The following LRTM2 variants were observed in gnomAD, a reference collection of about 807,000 sequenced individuals.
LRTM2 encodes the protein leucine rich repeat transmembrane protein 2, also known as leucine-rich repeat and transmembrane domain-containing protein 2.
A neutral mutation model predicts 28.1 loss-of-function variants in LRTM2; 18 were observed. That is an observed-to-expected ratio of 0.64 (90% confidence interval 0.44 to 0.95). LRTM2 has a LOEUF of 0.95. Among genes scored for constraint, LRTM2 ranks in the 40% least tolerant of loss-of-function variants. The pLI, the probability that LRTM2 is intolerant of heterozygous loss-of-function variation, is 0.00. For synonymous variants in LRTM2, 250 were observed against 218.7 expected (o/e 1.14, Z -1.26); for missense variants, 436 against 497.2 (o/e 0.88, Z 1.17).
chr12:1,830,055 C>G (rs897274045), intron 3 of LRTM2, among the ~76,000 whole-genome samples: 1 of 152,190 alleles, frequency 6.6e-6, no homozygotes, highest in Non-Finnish European at 1.5e-5. Flanking sequence ...GGGTCTTGGG[C>G]AAAAGATGGG....
At position 1,820,568 on chromosome 12, in the gene LRTM2, CCT is replaced by C. The variant is rs911998575; in HGVS notation, c.-500_-499del. The C allele has an allele frequency of 6.6e-6, 1 of 152,454 alleles. No individual in the cohort carries two copies. The highest frequency in any genetic ancestry group is 1.9e-4 in the East Asian group (1 of 5,190). The allele number at this position is 152,454 out of a possible 1,614,324, so 9.4% of individuals were successfully genotyped here. A position where few individuals can be genotyped will look rare whatever the true frequency, so the allele number is the denominator to read the frequency against. On this transcript the variant is annotated 5_prime_UTR_variant, in exon 1 of 5. Transcript: ENST00000299194. This position sits in a 1 kb window ranked among gnomAD's most constrained non-coding sequence, Gnocchi z 6.0. The stretch of plus-strand genomic sequence containing the variant: ...TCTCCTCTCTCTCTCTCCCTCCATC[CCT>C]CTCTTTCCTTCTCAGTTTGTGACTG...
rs994213781 is a variant in LRTM2 at position 1,833,074 on chromosome 12, A to G, written c.659-1193A>G. Among the ~76,000 whole-genome samples the G allele has an allele frequency of 1.3e-5, 2 of 152,148 alleles. No homozygotes were observed. The highest frequency in any genetic ancestry group is 2.4e-5 in the African/African-American group (1 of 41,434). On this transcript the variant is annotated intron_variant, in intron 4 of 4. Coordinates refer to ENST00000299194, the MANE Select transcript of LRTM2 (RefSeq NM_001039029.3). This position sits in a 1 kb window ranked among gnomAD's most constrained non-coding sequence, Gnocchi z 4.2. ...CTCTCCTGTGGTCGCCGGGAACTGA[A>G]TTCCCAGCACAAAAATGCATGCCAT...
At chr12:1,831,966 C>T (rs1190391739) in intron 4 of LRTM2, among the ~76,000 whole-genome samples, 4 of 152,196 alleles carry the variant, frequency 2.6e-5, no homozygotes, top group African/African-American at 9.7e-5. Context: ...TCTTAAACAT[C>T]TCCCCTTACA....
At position 1,834,423 on chromosome 12, in the gene LRTM2, C is replaced by T; in HGVS notation, c.815C>T (p.Ala272Val). ...ATTCCTGGGCCACCCTGCACCAAGG[C>T]CAGTCCAGAGCCTGCTAAGCCCAAG... Reference protein sequence around the residue: ...LDIPGPPCTKASPEPAKPKPG... With the variant: ...LDIPGPPCTKVSPEPAKPKPG... The change falls in exon 5 of 5, where the codon GCC becomes GTC. Residue 272 changes from alanine to valine, a missense_variant. Physicochemically the swap from Ala to Val is moderately conservative, Grantham distance 64 (BLOSUM62 0). Coordinates refer to ENST00000299194, the MANE Select transcript of LRTM2 (RefSeq NM_001039029.3). The surrounding 1 kb of genome is among the most constrained non-coding windows in gnomAD (Gnocchi z 7.6). 6.2e-7 allele frequency: 1 copy of T among 1,612,950 alleles called. No individual in the cohort carries two copies. The highest frequency in any genetic ancestry group is 8.5e-7 in the Non-Finnish European group (1 of 1,180,014).
chr12:1,823,224 AG>A (rs369397270), intron 1 of LRTM2: 1 of 152,474 alleles, frequency 6.6e-6, no homozygotes, highest in Non-Finnish European at 1.5e-5. Flanking sequence ...CTTGATGTGG[AG>A]GGATAGACAT....
chr12:1,828,275 G>A lies in LRTM2; in HGVS notation c.67+60G>A. On this transcript the variant is annotated intron_variant, in intron 3 of 4. Coordinates refer to ENST00000299194, the MANE Select transcript of LRTM2 (RefSeq NM_001039029.3). The surrounding 1 kb of genome is among the most constrained non-coding windows in gnomAD (Gnocchi z 4.2). ...GTTGGGTGGGGGTGCCGAGGTGACT[G>A]TAGGTAGCGCCATATGGGACCTTAG... 3.5e-6 allele frequency: 5 copies of A among 1,426,496 alleles called. No individual in the cohort carries two copies. Among genetic ancestry groups the A allele is most frequent in the South Asian group, 1.3e-5 (1 of 74,644 alleles). 88.4% of individuals were successfully genotyped at this position (1,426,496 alleles called of 1,614,324 possible). A position where few individuals can be genotyped will look rare whatever the true frequency, so the allele number is the denominator to read the frequency against.
chr12:1,830,730 CTG>C (rs1457842948), intron 3 of LRTM2, among the ~76,000 whole-genome samples: 2 of 152,182 alleles, frequency 1.3e-5, no homozygotes, highest in African/African-American at 4.8e-5. Context: ...CCTGCAGACA[CTG>C]TGTGATGTCC....
Position 1,831,158 on chromosome 12 carries a change from G to A in LRTM2, c.291G>A (p.Leu97=). 6.2e-7 allele frequency: 1 copy of A among 1,613,982 alleles called. No individual in the cohort carries two copies. Among genetic ancestry groups the A allele is most frequent in the Non-Finnish European group, 8.5e-7 (1 of 1,180,042 alleles). ...AFANLSSLQR[L]DLSNNFLDRL... ...CCAACCTCTCCAGCCTGCAGCGGTT[G>A]GACCTGTCCAACAACTTCCTGGACC... is the stretch of plus-strand genomic sequence containing the variant. The change falls in exon 4 of 5, where the codon TTG becomes TTA. Residue 97 remains leucine, a synonymous_variant. Coordinates refer to ENST00000299194, the MANE Select transcript of LRTM2 (RefSeq NM_001039029.3).
chr12:1,822,771 C>G (rs2041137), intron 1 of LRTM2, among the ~76,000 whole-genome samples: 129,232 of 152,246 alleles, frequency 0.85, 54,990 homozygotes, highest in Non-Finnish European at 0.86. Flanking sequence ...TGATGGGCAG[C>G]TGTCCTAGAG....
chr12:1,829,883 G>C lies in LRTM2; in HGVS notation c.68-1052G>C, dbSNP rs61909414. Among the ~76,000 whole-genome samples the C allele has an allele frequency of 1.3e-5, 2 of 152,094 alleles. No individual in the cohort carries two copies. The highest frequency in any genetic ancestry group is 1.3e-4 in the Admixed American group (2 of 15,274). The stretch of plus-strand genomic sequence containing the variant: ...TGAATTCTTCCCAGTTCTCTTTCAC[G>C]ATGAGCAGGCTTCTCTGCTACTCAG... On this transcript the variant is annotated intron_variant, in intron 3 of 4. Coordinates refer to ENST00000299194, the MANE Select transcript of LRTM2 (RefSeq NM_001039029.3). This position sits in a 1 kb window ranked among gnomAD's most constrained non-coding sequence, Gnocchi z 4.2.
chr12:1,828,284 G>A lies in LRTM2; in HGVS notation c.67+69G>A, dbSNP rs186465399. 663 of 1,344,754 alleles carry A rather than the reference G, an allele frequency of 4.9e-4. 1 individual carries two copies. The highest frequency in any genetic ancestry group is 5.5e-4 in the Non-Finnish European group (542 of 987,494). 83.3% of individuals were successfully genotyped at this position (1,344,754 alleles called of 1,614,324 possible). ...GGGTGCCGAGGTGACTGTAGGTAGC[G>A]CCATATGGGACCTTAGCCACACTCA... On this transcript the variant is annotated intron_variant, in intron 3 of 4. Coordinates refer to ENST00000299194, the MANE Select transcript of LRTM2 (RefSeq NM_001039029.3). This position sits in a 1 kb window ranked among gnomAD's most constrained non-coding sequence, Gnocchi z 4.2.
intron 1 of LRTM2, among the ~76,000 whole-genome samples, chr12:1,825,691 T>C (rs1864285156): frequency 6.6e-6 from 1 of 152,212 alleles, no homozygotes; most frequent in African/African-American, 2.4e-5. Context: ...ACGTGCTGTG[T>C]ACAGAGCTCC....
At position 1,831,030 on chromosome 12, in the gene LRTM2, A is replaced by G; in HGVS notation, c.163A>G (p.Ser55Gly). 1 of 1,614,102 alleles carries G rather than the reference A, an allele frequency of 6.2e-7. No individual in the cohort carries two copies. The highest frequency in any genetic ancestry group is 1.3e-5 in the African/African-American group (1 of 75,046). The part of the protein sequence containing the change: ...CDSRSLEVDC[S>G]GLGLTTVPPD... ...CAGCCGCAGCCTGGAGGTGGACTGC[A>G]GTGGCCTTGGCCTCACCACGGTGCC... Residue 55 changes from serine to glycine, a missense_variant, in exon 4 of 5, where the codon AGT (serine) becomes GGT (glycine). By Grantham distance (56) the Ser-to-Gly change is moderately conservative. Coordinates refer to ENST00000299194, the MANE Select transcript of LRTM2 (RefSeq NM_001039029.3).
At position 1,828,272 on chromosome 12, in the gene LRTM2, A is replaced by G; in HGVS notation, c.67+57A>G. 1.4e-6 allele frequency: 2 copies of G among 1,445,922 alleles called. No homozygotes were observed. Among genetic ancestry groups the G allele is most frequent in the Non-Finnish European group, 1.9e-6 (2 of 1,072,180 alleles). 89.6% of individuals were successfully genotyped at this position (1,445,922 alleles called of 1,614,324 possible). On this transcript the variant is annotated intron_variant, in intron 3 of 4. Coordinates refer to ENST00000299194, the MANE Select transcript of LRTM2 (RefSeq NM_001039029.3). The surrounding 1 kb of genome is among the most constrained non-coding windows in gnomAD (Gnocchi z 4.2). The stretch of plus-strand genomic sequence containing the variant: ...CGGGTTGGGTGGGGGTGCCGAGGTG[A>G]CTGTAGGTAGCGCCATATGGGACCT...
At chr12:1,831,584 C>A in intron 4 of LRTM2, 59 bp downstream of exon 4, 2 of 1,396,914 alleles carry the variant, frequency 1.4e-6, no homozygotes, top group Admixed American at 1.9e-5. Context: ...TCTGGCCCCA[C>A]ACTTTCCTCC....
At chr12:1,827,777 A>G (rs1176591104) in intron 2 of LRTM2, 183 bp downstream of exon 2, 2 of 232,788 alleles carry the variant, frequency 8.6e-6, no homozygotes, top group African/African-American at 4.5e-5. Context: ...CTGAGTGATC[A>G]ACATACTCGG....
rs1323014857 is a variant in LRTM2 at position 1,830,941 on chromosome 12, C to T, written c.74C>T (p.Thr25Ile). ...ALQWRQVSWI[T>I]CWIALYAVEA... ...GTCTGTCCCTCCCACCAAGGGATCA[C>T]CTGCTGGATCGCCCTGTATGCTGTG... is the stretch of plus-strand genomic sequence containing the variant. Residue 25 changes from threonine to isoleucine, a missense_variant, in exon 4 of 5, where the codon ACC becomes ATC. Coordinates refer to ENST00000299194, the MANE Select transcript of LRTM2 (RefSeq NM_001039029.3). 2 of 1,597,488 alleles carry T rather than the reference C, an allele frequency of 1.3e-6. No homozygotes were observed. Among genetic ancestry groups the T allele is most frequent in the Admixed American group, 1.7e-5 (1 of 59,288 alleles).
intron 1 of LRTM2, chr12:1,823,297 C>G (rs771524130): frequency 6.6e-6 from 1 of 152,384 alleles, no homozygotes; most frequent in Non-Finnish European, 1.5e-5. Context: ...CTGGAGGTTT[C>G]TAGCTAGAGT....
At chr12:1,826,752 C>T (rs1053543020) in intron 1 of LRTM2, among the ~76,000 whole-genome samples, 2 of 152,316 alleles carry the variant, frequency 1.3e-5, no homozygotes, top group Admixed American at 1.3e-4. Context: ...CTGCTGTGGC[C>T]GCCTGAGGAG....
Sources: allele counts gnomAD v4.1 joint callset (sites outside exome capture counted in the v4.1 genomes callset), GRCh38; gene constraint gnomAD v4.1.1; non-coding constraint Gnocchi (gnomAD v3.1); transcripts MANE v1.5; gene names NCBI Gene and HGNC (gene_info 2026-07-23, HGNC 2026-07-21).